The following SLC35F4 variants were observed in gnomAD, a reference collection of about 807,000 sequenced individuals.
The protein encoded by SLC35F4 is solute carrier family 35 member F4.
Under a neutral mutation model 44.2 loss-of-function variants are expected in SLC35F4, and 24 were observed. The observed-to-expected ratio is 0.54, with a 90% CI of 0.39 to 0.76. The LOEUF is 0.76. SLC35F4 is among the 30% of genes least tolerant of loss of function. SLC35F4 has a pLI of 0.00. For synonymous variants in SLC35F4, 238 were observed against 223.6 expected, an observed-to-expected ratio of 1.06 and a Z score of -0.57; for missense variants, 562 against 586.1, an observed-to-expected ratio of 0.96 and a Z score of 0.42.
At chr14:57,665,012 TAAC>T (rs1226892652) in intron 1 of SLC35F4, among the ~76,000 whole-genome samples, 1 of 152,126 alleles carries the variant, frequency 6.6e-6, no homozygotes, top group East Asian at 1.9e-4. Flanking sequence ...TGGGCTGTTT[TAAC>T]AACATGCTTC....
chr14:57,584,634 C>T (rs994965349), intron 3 of SLC35F4, among the ~76,000 whole-genome samples: 4 of 152,164 alleles, frequency 2.6e-5, no homozygotes, highest in African/African-American at 9.7e-5. Context: ...CTTCACTCTA[C>T]ATGCACTATA....
At chr14:57,569,196 C>T (rs17723302) in intron 6 of SLC35F4, among the ~76,000 whole-genome samples, 2,526 of 152,280 alleles carry the variant, frequency 0.017, 39 homozygotes, top group Non-Finnish European at 0.026. Flanking sequence ...TATCACAAAT[C>T]CATTCTCCAT....
At chr14:57,818,782 A>G (rs1882873799) in intron 1 of SLC35F4, among the ~76,000 whole-genome samples, 1 of 152,198 alleles carries the variant, frequency 6.6e-6, no homozygotes, top group African/African-American at 2.4e-5. Flanking sequence ...TGTGCTGATG[A>G]ATATCAATTA....
At chr14:57,943,426 C>G (rs777250107) in intron 1 of SLC35F4, among the ~76,000 whole-genome samples, 7 of 152,190 alleles carry the variant, frequency 4.6e-5, no homozygotes. Flanking sequence ...CAAATGTCTA[C>G]GCTTTCCAAA....
chr14:57,765,178 G>C (rs1235272537), intron 1 of SLC35F4, among the ~76,000 whole-genome samples: 1 of 152,166 alleles, frequency 6.6e-6, no homozygotes, highest in Non-Finnish European at 1.5e-5. Flanking sequence ...ATACAGATTT[G>C]GGAAAATGCA....
At chr14:57,919,974 A>T (rs942951574) in intron 1 of SLC35F4, among the ~76,000 whole-genome samples, 5 of 152,128 alleles carry the variant, frequency 3.3e-5, no homozygotes, top group African/African-American at 1.2e-4. Flanking sequence ...GATCCCTTTC[A>T]CATGCCTTGC....
intron 1 of SLC35F4, among the ~76,000 whole-genome samples, chr14:57,889,228 A>G (rs1888710096): frequency 6.6e-6 from 1 of 152,238 alleles, no homozygotes; most frequent in African/African-American, 2.4e-5. Flanking sequence ...GGTAACCAGG[A>G]AGGATCACTA....
intron 4 of SLC35F4, among the ~76,000 whole-genome samples, chr14:57,578,434 T>A (rs1566635604): frequency 6.9e-6 from 1 of 144,800 alleles, no homozygotes; most frequent in African/African-American, 2.5e-5. Flanking sequence ...CAATAAGAGC[T>A]ACATTTATGT....
At position 57,593,977 on chromosome 14, in the gene SLC35F4, C is replaced by T. The variant is rs1432466286; in HGVS notation, c.251G>A (p.Gly84Glu). The change falls in exon 2 of 8, where the codon GGA (glycine) becomes GAA (glutamate). Residue 84 changes from glycine (G) to glutamate (E), a missense_variant. Coordinates refer to ENST00000556826, the MANE Select transcript of SLC35F4 (RefSeq NM_001306087.2). ...ILELQNQGSSGVCGHRVERQN... is the reference protein window; with the variant it reads ...ILELQNQGSSEVCGHRVERQN... ...TCTCTCAACTCTGTGTCCACAAACT[C>T]CTGAGGATCCTTGGTTTTGAAGTTC... 3.7e-6 allele frequency: 6 copies of T among 1,613,744 alleles called. No individual in the cohort carries two copies. Among genetic ancestry groups the T allele is most frequent in the Non-Finnish European group, 5.1e-6 (6 of 1,179,860 alleles).
intron 1 of SLC35F4, among the ~76,000 whole-genome samples, chr14:57,682,334 A>G (rs2224712): frequency 0.97 from 148,073 of 152,292 alleles, 72,122 homozygotes; most frequent in Non-Finnish European, 1. Flanking sequence ...ATGAGTTCAT[A>G]TCCTTTGCAG....
At chr14:57,772,980 T>C (rs541326175) in intron 1 of SLC35F4, among the ~76,000 whole-genome samples, 144 of 152,336 alleles carry the variant, frequency 9.5e-4, no homozygotes, top group Middle Eastern at 6.8e-3. Context: ...CAACAACATA[T>C]AAGCATTCCC....
intron 3 of SLC35F4, 96 bp downstream of exon 3, chr14:57,589,120 C>G: frequency 7.3e-7 from 1 of 1,372,916 alleles, no homozygotes; most frequent in Middle Eastern, 2.7e-4. Context: ...TCACATACCC[C>G]AAAAAACTCA....
chr14:57,566,957 C>G (rs1422696059), intron 6 of SLC35F4, among the ~76,000 whole-genome samples: 1 of 152,258 alleles, frequency 6.6e-6, no homozygotes, highest in Non-Finnish European at 1.5e-5. Flanking sequence ...CATTCATAGA[C>G]ATTAAATGGC....
chr14:57,865,061 C>CAA (rs1888010094), intron 1 of SLC35F4, among the ~76,000 whole-genome samples: 2 of 110,246 alleles, frequency 1.8e-5, no homozygotes, highest in African/African-American at 9.2e-5. Flanking sequence ...TTCTCAGACC[C>CAA]CCCCCCCCCA....
At chr14:57,963,985 G>A (rs1890386866) in intron 1 of SLC35F4, among the ~76,000 whole-genome samples, 1 of 151,984 alleles carries the variant, frequency 6.6e-6, no homozygotes, top group African/African-American at 2.4e-5. Context: ...GCCTCCCAAA[G>A]TGCTGGGATT....
At chr14:57,629,314 T>C (rs1415465164) in intron 1 of SLC35F4, among the ~76,000 whole-genome samples, 1 of 152,092 alleles carries the variant, frequency 6.6e-6, no homozygotes, top group East Asian at 1.9e-4. Context: ...TTTTAAAAAA[T>C]CAATTGTTAG....
intron 1 of SLC35F4, among the ~76,000 whole-genome samples, chr14:57,978,829 T>A (rs933541244): frequency 5.3e-5 from 8 of 152,146 alleles, no homozygotes; most frequent in African/African-American, 1.9e-4. Context: ...TTCCACTGAG[T>A]CTGAAGCTGA....
intron 1 of SLC35F4, among the ~76,000 whole-genome samples, chr14:57,822,427 A>T (rs1437449007): frequency 1.3e-5 from 2 of 152,226 alleles, no homozygotes; most frequent in Admixed American, 1.3e-4. Context: ...GTAAGGAATT[A>T]GCAGACAGTT....
At position 57,837,954 on chromosome 14, in the gene SLC35F4, A is replaced by G. The variant is rs373490168; in HGVS notation, c.103+27769T>C. Among the ~76,000 whole-genome samples the G allele has an allele frequency of 3.3e-5, 5 of 152,176 alleles. No homozygotes were observed. In the East Asian group the frequency reaches 9.6e-4, roughly 29 times the overall value. On this transcript the variant is annotated intron_variant, in intron 1 of 7. Transcript: ENST00000556826. ...CATGCTTTTCCGTTTTATGGTTACC[A>G]TCTTTTTGCCATATCTTGTATCTAC...
Sources: allele counts gnomAD v4.1 joint callset (sites outside exome capture counted in the v4.1 genomes callset), GRCh38; gene constraint gnomAD v4.1.1; transcripts MANE v1.5; gene names NCBI Gene and HGNC (gene_info 2026-07-23, HGNC 2026-07-21).